PRDM15: variants seen among roughly 807,000 people sequenced by gnomAD.
PRDM15 encodes the protein PR domain zinc finger protein 15.
PRDM15 carries 64 observed loss-of-function variants against 128.6 expected under a neutral mutation model. The observed-to-expected ratio is 0.50, with a 90% confidence interval of 0.41 to 0.61. The LOEUF (loss-of-function observed/expected upper bound fraction) is 0.61. Ranked by LOEUF, PRDM15 falls within the 20% of genes least tolerant of loss-of-function variation. The pLI, the probability that PRDM15 is intolerant of heterozygous loss-of-function variation, is 0.00. For missense variants in PRDM15, 1,242 were observed against 1,569.1 expected, an observed-to-expected ratio of 0.79 and a Z score of 3.52; for synonymous variants, 615 against 621.8, an observed-to-expected ratio of 0.99 and a Z score of 0.16.
chr21:41,813,292 C>T (rs2061927081), intron 19 of PRDM15: 1 of 152,328 alleles, frequency 6.6e-6, no homozygotes, highest in Non-Finnish European at 1.5e-5. Flanking sequence ...TCTGAGAACC[C>T]AGATGAGGGC....
At chr21:41,878,896 C>A in intron 1 of PRDM15, 1 of 952,644 alleles carries the variant, frequency 1.0e-6, no homozygotes, top group Non-Finnish European at 1.2e-6. Context: ...GGCCCGGCAG[C>A]CCCGCGGCCC....
At position 41,800,472 on chromosome 21, in the gene PRDM15, C is replaced by A. The variant is rs565530067; in HGVS notation, c.*768G>T. The A allele has an allele frequency of 2.0e-5, 3 of 151,684 alleles. No individual in the cohort carries two copies. In the East Asian group the frequency reaches 5.8e-4, roughly 29 times the overall value. The allele number at this position is 151,684 out of a possible 1,614,324, so 9.4% of individuals were successfully genotyped here. A position where few individuals can be genotyped will look rare whatever the true frequency, so the allele number is the denominator to read the frequency against. ...AAAACACAATATTGGCCATAACAGT[C>A]TTGAACACATAATGTATGTTTGAAA... On this transcript the variant is annotated 3_prime_UTR_variant, in exon 24 of 24. Transcript: ENST00000398548.
intron 21 of PRDM15, among the ~76,000 whole-genome samples, chr21:41,805,864 A>C (rs373359850): frequency 2.3e-4 from 32 of 141,374 alleles, no homozygotes; most frequent in African/African-American, 7.5e-4. Context: ...ATCACCATTA[A>C]CAACACCATC....
At chr21:41,858,512 C>A (rs1426127216) in intron 3 of PRDM15, among the ~76,000 whole-genome samples, 9 of 151,416 alleles carry the variant, frequency 5.9e-5, no homozygotes, top group African/African-American at 2.2e-4. Context: ...AGAGCACAGG[C>A]CCCTCCGACA....
Position 41,859,756 on chromosome 21 carries a change from G to C in PRDM15, c.38-71C>G, listed in dbSNP as rs1399612165. 1 of 1,310,722 alleles carries C rather than the reference G, an allele frequency of 7.6e-7. No individual in the cohort carries two copies. Among genetic ancestry groups the C allele is most frequent in the Non-Finnish European group, 1.1e-6 (1 of 922,754 alleles). 81.2% of individuals were successfully genotyped at this position (1,310,722 alleles called of 1,614,324 possible). On this transcript the variant is annotated intron_variant, in intron 2 of 23. Coordinates refer to ENST00000398548, the MANE Select transcript of PRDM15 (RefSeq NM_001040424.3). This position sits in a 1 kb window ranked among gnomAD's most constrained non-coding sequence, Gnocchi z 5.3. ...CCTAAAGAACACAAACCTGGGAAAT[G>C]GGGACCCTGGCCCCATGAGGGTGAC... is the stretch of plus-strand genomic sequence containing the variant.
chr21:41,836,941 C>A (rs2062916594), intron 8 of PRDM15: 1 of 241,296 alleles, frequency 4.1e-6, no homozygotes, highest in Non-Finnish European at 8.0e-6. Context: ...ATTAGAATAA[C>A]CACACCTGTT....
Position 41,854,195 on chromosome 21 carries a change from G to A in PRDM15, c.538+371C>T, listed in dbSNP as rs993958722. ...CAGTCACATGCTGGACAGGCTGGTA[G>A]CTAGAACAGGCTACACCATACAGCC... On this transcript the variant is annotated intron_variant, in intron 5 of 23. Transcript: ENST00000398548. The surrounding 1 kb of genome is among the most constrained non-coding windows in gnomAD (Gnocchi z 4.6). 6.6e-6 allele frequency among the ~76,000 whole-genome samples: 1 copy of A among 152,186 alleles called. No homozygotes were observed. Among genetic ancestry groups the A allele is most frequent in the African/African-American group, 2.4e-5 (1 of 41,442 alleles).
chr21:41,870,273 A>T (rs2064165178), intron 1 of PRDM15, among the ~76,000 whole-genome samples: 1 of 152,216 alleles, frequency 6.6e-6, no homozygotes, highest in African/African-American at 2.4e-5. Flanking sequence ...AAAAAGTATT[A>T]AGGAATTTTT....
In PRDM15 at chr21:41,801,231, G is replaced by T. The variant is rs1384086764; in HGVS notation, c.*9C>A. On this transcript the variant is annotated 3_prime_UTR_variant, in exon 24 of 24. Coordinates refer to ENST00000398548, the MANE Select transcript of PRDM15 (RefSeq NM_001040424.3). ...TGCAGTTCTTGCCCCGAGTCTCCCG[G>T]AACGCAGCTCAGTAGCTGTACATCT... 1 of 1,512,420 alleles carries T rather than the reference G, an allele frequency of 6.6e-7. No homozygotes were observed. Among genetic ancestry groups the T allele is most frequent in the South Asian group, 1.3e-5 (1 of 75,226 alleles). 93.7% of individuals were successfully genotyped at this position (1,512,420 alleles called of 1,614,324 possible). A position where few individuals can be genotyped will look rare whatever the true frequency, so the allele number is the denominator to read the frequency against.
At chr21:41,846,375 C>A (rs1424953050) in intron 6 of PRDM15, among the ~76,000 whole-genome samples, 1 of 152,230 alleles carries the variant, frequency 6.6e-6, no homozygotes, top group Non-Finnish European at 1.5e-5. Context: ...TCTCTCCCGG[C>A]CACCTTAAAT....
At position 41,862,950 on chromosome 21, in the gene PRDM15, C is replaced by T. The variant is rs143699456; in HGVS notation, c.-9-2578G>A. On this transcript the variant is annotated intron_variant, in intron 1 of 23. Transcript: ENST00000398548. This position sits in a 1 kb window ranked among gnomAD's most constrained non-coding sequence, Gnocchi z 4.1. The stretch of plus-strand genomic sequence containing the variant: ...TTTCAGAGATGAGGACGGGCGATCA[C>T]TTCAGGTCAGGAGTTCGAGACCAGC... Among the ~76,000 whole-genome samples, 5 of 152,230 alleles carry T rather than the reference C, an allele frequency of 3.3e-5. No homozygotes were observed. Among genetic ancestry groups the T allele is most frequent in the African/African-American group, 9.6e-5 (4 of 41,538 alleles).
Position 41,857,312 on chromosome 21 carries a change from T to C in PRDM15, c.149A>G (p.Asn50Ser), listed in dbSNP as rs201015659. ...LSRARSSLPP[N>S]LEIRRLEDGA... ...ATCTTCCAGTCGTCTGATCTCCAAG[T>C]TGGGAGGAAGGGATGACCTGGAAAT... Residue 50 changes from asparagine (N) to serine (S), a missense_variant, in exon 4 of 24, where the codon AAC (asparagine) becomes AGC (serine). Coordinates refer to ENST00000398548, the MANE Select transcript of PRDM15 (RefSeq NM_001040424.3). The C allele has an allele frequency of 3.2e-5, 52 of 1,613,568 alleles. No homozygotes were observed. Among genetic ancestry groups the C allele is most frequent in the Middle Eastern group, 3.3e-4 (2 of 6,060 alleles).
intron 11 of PRDM15, among the ~76,000 whole-genome samples, chr21:41,830,257 C>A (rs979601735): frequency 0.019 from 2,801 of 147,316 alleles, 92 homozygotes; most frequent in African/African-American, 0.065. Flanking sequence ...ACACACACAC[C>A]CCCCACACAA....
Position 41,808,867 on chromosome 21 carries a change from A to G in PRDM15, c.2652+1287T>C, listed in dbSNP as rs748996105. ...ATCACGTTCTTATTGTAGGGTTGGAATAGGGGTTGGAATAACCATTTATTA... is the reference window on the plus strand; with the variant it reads ...ATCACGTTCTTATTGTAGGGTTGGAGTAGGGGTTGGAATAACCATTTATTA... On this transcript the variant is annotated intron_variant, in intron 21 of 23. Coordinates refer to ENST00000398548, the MANE Select transcript of PRDM15 (RefSeq NM_001040424.3). Among the ~76,000 whole-genome samples the G allele has an allele frequency of 7.7e-4, 117 of 152,338 alleles. No homozygotes were observed. The Middle Eastern group carries it at 0.01, about 13-fold the overall frequency.
In PRDM15 at chr21:41,817,696, G is replaced by A. The variant is rs141915057; in HGVS notation, c.2261-1860C>T. On this transcript the variant is annotated intron_variant, in intron 18 of 23. Transcript: ENST00000398548. The stretch of plus-strand genomic sequence containing the variant: ...TCCGATATAAAAAGATCTCCAAGAC[G>A]TATTTTCAAGTAAAAAAAAAATAGC... Among the ~76,000 whole-genome samples, 286 of 151,936 alleles carry A rather than the reference G, an allele frequency of 1.9e-3. 1 individual carries two copies. The highest frequency in any genetic ancestry group is 6.2e-3 in the African/African-American group (258 of 41,368).
rs572799769 is a variant in PRDM15, at chr21:41,878,572, G to A, written c.-10+698C>T. 5.2e-4 allele frequency: 253 copies of A among 485,064 alleles called. 1 individual carries two copies. In the South Asian group the frequency reaches 5.5e-3, roughly 11 times the overall value. The allele number at this position is 485,064 out of a possible 1,614,324, so 30.0% of individuals were successfully genotyped here. ...TCACCTGAGCGGCCGGGCACGCCCC[G>A]TCCCCGAACGGCCACCCACCCCGGG... On this transcript the variant is annotated intron_variant, in intron 1 of 23. Transcript: ENST00000398548.
rs753331086 is a variant in PRDM15 at position 41,822,057 on chromosome 21, TC to T, written c.1762-21del. 4.3e-6 allele frequency: 7 copies of T among 1,613,470 alleles called. No individual in the cohort carries two copies. Among genetic ancestry groups the T allele is most frequent in the Non-Finnish European group, 5.1e-6 (6 of 1,180,032 alleles). ...GATGTCCTGGAAAACAGCCACCACT[TC>T]CGGTTTCTAACAGCGCAGCAGACGC... On this transcript the variant is annotated intron_variant, in intron 14 of 23. Transcript: ENST00000398548.
At chr21:41,802,985 C>A (rs1294765498) in intron 22 of PRDM15, 64 bp from the exon 23 acceptor site, 12 of 1,332,470 alleles carry the variant, frequency 9.0e-6, no homozygotes, top group East Asian at 2.3e-5. Context: ...GCGGCCAGGG[C>A]AGCCCCAGCA....
chr21:41,836,120 C>T lies in PRDM15; in HGVS notation c.1271G>A (p.Arg424Lys). The part of the protein sequence containing the change: ...LKQHVSYKHS[R>K]NEVDGEYRYR... ...GGGCTTGTTTCCACCCACCTCGTTC[C>T]TGCTGTGCTTGTAGGAAACGTGCTG... The change falls in exon 10 of 24, where the codon AGG becomes AAG. Residue 424 changes from arginine to lysine, a missense_variant. Physicochemically the swap from Arg to Lys is conservative, Grantham distance 26. Around this residue, in one of 3 missense-constraint regions of PRDM15, gnomAD observed 612 missense variants for 717.0 expected, o/e 0.85. Transcript: ENST00000398548. 1 of 1,613,612 alleles carries T rather than the reference C, an allele frequency of 6.2e-7. No homozygotes were observed. The highest frequency in any genetic ancestry group is 1.6e-4 in the Middle Eastern group (1 of 6,062).
Sources: allele counts gnomAD v4.1 joint callset (sites outside exome capture counted in the v4.1 genomes callset), GRCh38; gene constraint gnomAD v4.1.1; regional missense constraint gnomAD v4.1.1; non-coding constraint Gnocchi (gnomAD v3.1); transcripts MANE v1.5; gene names NCBI Gene and HGNC (gene_info 2026-07-23, HGNC 2026-07-21).